MICU2: variants seen among roughly 807,000 people sequenced by gnomAD.
MICU2 encodes mitochondrial calcium uptake 2.
In MICU2, 64 loss-of-function variants were observed where a neutral mutation model predicts 60.4. That is an observed-to-expected ratio of 1.06 (90% confidence interval 0.87 to 1.31). The LOEUF (loss-of-function observed/expected upper bound fraction) is 1.31, where lower values mean the gene tolerates loss of function less well. Among genes scored for constraint, MICU2 ranks in the 50% most tolerant of loss-of-function variants. MICU2 has a pLI of 0.00. For missense variants in MICU2, 569 were observed against 531.0 expected, an observed-to-expected ratio of 1.07 and a Z score of -0.70; for synonymous variants, 201 against 175.0, an observed-to-expected ratio of 1.15 and a Z score of -1.17.
Position 21,566,920 on chromosome 13 carries a change from A to G in MICU2, c.235T>C (p.Tyr79His). The G allele has an allele frequency of 2.5e-6, 4 of 1,596,004 alleles. No individual in the cohort carries two copies. Among genetic ancestry groups the G allele is most frequent in the Non-Finnish European group, 2.6e-6 (3 of 1,175,670 alleles). Residue 79 changes from tyrosine to histidine, a missense_variant, in exon 2 of 12, where the codon TAT (tyrosine) becomes CAT (histidine). Physicochemically the swap from Tyr to His is moderately conservative, Grantham distance 83 (BLOSUM62 2). Transcript: ENST00000382374. ...AQKNVEHGII[Y>H]IGKPSLRKQR... ...TTACGAAGAGACGGTTTCCCAATAT[A>G]TATTATTCCATGTTCAACATTTTTC...
intron 2 of MICU2, among the ~76,000 whole-genome samples, chr13:21,561,695 T>C (rs1305747132): frequency 1.3e-5 from 2 of 150,840 alleles, no homozygotes; most frequent in Non-Finnish European, 2.9e-5. Flanking sequence ...GGTTTCTTTT[T>C]TTTTTTTTTT....
chr13:21,532,637 A>G (rs1448795454), intron 4 of MICU2, among the ~76,000 whole-genome samples: 1 of 152,222 alleles, frequency 6.6e-6, no homozygotes, highest in Non-Finnish European at 1.5e-5. Context: ...ATGGTGAGAA[A>G]AGCAATACAA....
chr13:21,544,588 G>A (rs756782193), intron 2 of MICU2, among the ~76,000 whole-genome samples: 7 of 147,812 alleles, frequency 4.7e-5, no homozygotes, highest in Admixed American at 2.7e-4. Flanking sequence ...ATGAGGTATC[G>A]TCTCATCCCA....
chr13:21,550,395 G>A (rs2138017367), intron 2 of MICU2, among the ~76,000 whole-genome samples: 1 of 152,256 alleles, frequency 6.6e-6, no homozygotes, highest in South Asian at 2.1e-4. Flanking sequence ...AAAATTAGCT[G>A]AGTACAGCGG....
At chr13:21,600,939 G>GGCGCCCGCCACC (rs1235567967) in intron 1 of MICU2, among the ~76,000 whole-genome samples, 8 of 152,106 alleles carry the variant, frequency 5.3e-5, no homozygotes, top group African/African-American at 1.4e-4. Flanking sequence ...TGGGACTACA[G>GGCGCCCGCCACC]GCGCCCGCCA....
In MICU2 at chr13:21,566,982, G is replaced by C. The variant is rs763064465; in HGVS notation, c.211-38C>G. ...TAAATTGCAATTGAAGATTTTTTCA[G>C]TGTTATTCCCAGTCACTTCTAGGAC... On this transcript the variant is annotated intron_variant, in intron 1 of 11. Transcript: ENST00000382374. 230 of 1,550,230 alleles carry C rather than the reference G, an allele frequency of 1.5e-4. 1 individual carries two copies. The highest frequency in any genetic ancestry group is 1.0e-4 in the Non-Finnish European group (115 of 1,140,140).
At chr13:21,530,673 A>T (rs1566149395) in intron 4 of MICU2, 11 of 331,660 alleles carry the variant, frequency 3.3e-5, no homozygotes. Context: ...TAAAAATAAA[A>T]ATAAGTTACT....
rs1192448601 is a variant in MICU2 at position 21,566,883 on chromosome 13, A to C, written c.272T>G (p.Met91Arg). Residue 91 changes from methionine to arginine, a missense_variant, in exon 2 of 12, where the codon ATG (methionine) becomes AGG (arginine). Coordinates refer to ENST00000382374, the MANE Select transcript of MICU2 (RefSeq NM_152726.3). Reference sequence around the variant, plus strand: ...TTCATGTTCGAGTGAAGAAAACTGCATGAAGCGCTGCTTACGAAGAGACGG... The same window carrying C: ...TTCATGTTCGAGTGAAGAAAACTGCCTGAAGCGCTGCTTACGAAGAGACGG... Reference protein sequence around the residue: ...GKPSLRKQRFMQFSSLEHEGE... With the variant: ...GKPSLRKQRFRQFSSLEHEGE... 1 of 1,613,222 alleles carries C rather than the reference A, an allele frequency of 6.2e-7. No individual in the cohort carries two copies. The highest frequency in any genetic ancestry group is 1.7e-5 in the Admixed American group (1 of 59,826).
intron 4 of MICU2, among the ~76,000 whole-genome samples, chr13:21,527,693 T>C (rs1886890899): frequency 6.6e-6 from 1 of 152,220 alleles, no homozygotes; most frequent in African/African-American, 2.4e-5. Flanking sequence ...GATTCAAAAC[T>C]GCATTAGGAC....
At position 21,492,728 on chromosome 13, in the gene MICU2, G is replaced by A. The variant is rs1443317556; in HGVS notation, c.*521C>T. ...ATGTAAATATTTTATTCTGCTTCCA[G>A]ATAGAACATTGAAGTTTACATGTTA... On this transcript the variant is annotated 3_prime_UTR_variant, in exon 12 of 12. Transcript: ENST00000382374. 1 of 152,268 alleles carries A rather than the reference G, an allele frequency of 6.6e-6. No homozygotes were observed. The highest frequency in any genetic ancestry group is 1.5e-5 in the Non-Finnish European group (1 of 68,032). The allele number at this position is 152,268 out of a possible 1,614,324, so 9.4% of individuals were successfully genotyped here. A position where few individuals can be genotyped will look rare whatever the true frequency, so the allele number is the denominator to read the frequency against.
chr13:21,539,645 CATG>C lies in MICU2; in HGVS notation c.390+9_390+11del. ...CAAAAACAAACCCTGCCCCCCACAA[CATG>C]ATGCTTACCTTTTTTGTCAGCTTCT... On this transcript the variant is annotated intron_variant, in intron 3 of 11. Coordinates refer to ENST00000382374, the MANE Select transcript of MICU2 (RefSeq NM_152726.3). 6.2e-7 allele frequency: 1 copy of C among 1,614,132 alleles called. No homozygotes were observed. The highest frequency in any genetic ancestry group is 8.5e-7 in the Non-Finnish European group (1 of 1,180,006).
chr13:21,575,232 C>T (rs913294626), intron 1 of MICU2, among the ~76,000 whole-genome samples: 6 of 152,020 alleles, frequency 3.9e-5, no homozygotes, highest in African/African-American at 1.4e-4. Context: ...ACAGTGGCCA[C>T]TGTCAGGGGA....
At chr13:21,553,975 G>T (rs1240602198) in intron 2 of MICU2, among the ~76,000 whole-genome samples, 1 of 152,050 alleles carries the variant, frequency 6.6e-6, no homozygotes, top group Non-Finnish European at 1.5e-5. Flanking sequence ...TCAACAAGAA[G>T]AACTAACTAT....
chr13:21,542,158 G>C (rs1224105400), intron 2 of MICU2, among the ~76,000 whole-genome samples: 1 of 152,076 alleles, frequency 6.6e-6, no homozygotes, highest in African/African-American at 2.4e-5. Context: ...TTCTAATCCA[G>C]AACACTCTGG....
At chr13:21,515,121 A>G (rs1038623311) in intron 6 of MICU2, among the ~76,000 whole-genome samples, 10 of 146,004 alleles carry the variant, frequency 6.8e-5, no homozygotes, top group East Asian at 2.0e-4. Context: ...TCGCTCTGTC[A>G]CCCAGGCTGG....
At chr13:21,501,257 T>A (rs1326063541) in intron 9 of MICU2, among the ~76,000 whole-genome samples, 2 of 151,888 alleles carry the variant, frequency 1.3e-5, no homozygotes, top group Non-Finnish European at 2.9e-5. Flanking sequence ...GACATTCTTT[T>A]CATATAAAGT....
intron 1 of MICU2, among the ~76,000 whole-genome samples, chr13:21,584,310 A>G (rs1888413224): frequency 6.6e-6 from 1 of 151,652 alleles, no homozygotes; most frequent in East Asian, 1.9e-4. Flanking sequence ...AATGGTGTGA[A>G]GCTGGGAGGC....
At chr13:21,560,685 T>C (rs915714214) in intron 2 of MICU2, among the ~76,000 whole-genome samples, 1 of 152,002 alleles carries the variant, frequency 6.6e-6, no homozygotes, top group Non-Finnish European at 1.5e-5. Context: ...CCTACCCCAT[T>C]GGGATTATTG....
At chr13:21,583,781 A>G (rs547520078) in intron 1 of MICU2, among the ~76,000 whole-genome samples, 9 of 152,364 alleles carry the variant, frequency 5.9e-5, no homozygotes, top group South Asian at 2.1e-4. Flanking sequence ...AGGCAGAGCC[A>G]TATTGAAAAT....
Sources: allele counts gnomAD v4.1 joint callset (sites outside exome capture counted in the v4.1 genomes callset), GRCh38; gene constraint gnomAD v4.1.1; transcripts MANE v1.5; gene names NCBI Gene and HGNC (gene_info 2026-07-23, HGNC 2026-07-21).